Variants in MYO10 observed in about 807,000 individuals in gnomAD.
MYO10 encodes unconventional myosin-X.
A neutral mutation model predicts 257.3 loss-of-function variants in MYO10; 133 were observed. The ratio of observed to expected loss-of-function variants is 0.52; its 90% CI spans 0.45 to 0.60. The LOEUF (loss-of-function observed/expected upper bound fraction) is 0.60. MYO10 is among the 20% of genes least tolerant of loss of function. The probability of loss-of-function intolerance (pLI) is 0.00; values close to 1 mark genes in which losing one functional copy is unlikely to be tolerated. For missense variants in MYO10, 2,399 were observed against 2,635.7 expected (o/e 0.91, Z 1.97); for synonymous variants, 1,104 against 1,028.6 (o/e 1.07, Z -1.40).
At position 16,689,718 on chromosome 5, in the gene MYO10, T is replaced by G; in HGVS notation, c.3896+106A>C. ...TCTTGGTTCTTCAAAAAAAGTCAAT[T>G]AAAATTTTTCAAGGCCAGTACAGTA... On this transcript the variant is annotated intron_variant, in intron 28 of 40. Transcript: ENST00000513610. 4.5e-6 allele frequency: 4 copies of G among 888,784 alleles called. No homozygotes were observed. In the South Asian group the frequency reaches 4.7e-5, roughly 10 times the overall value. The allele number at this position is 888,784 out of a possible 1,614,324, so 55.1% of individuals were successfully genotyped here.
intron 1 of MYO10, among the ~76,000 whole-genome samples, chr5:16,923,913 G>A (rs1468669798): frequency 6.6e-6 from 1 of 152,098 alleles, no homozygotes; most frequent in African/African-American, 2.4e-5. Context: ...AAAACAAGGA[G>A]ACCTCATCTC....
At chr5:16,915,496 T>G (rs1745789525) in intron 1 of MYO10, among the ~76,000 whole-genome samples, 1 of 152,184 alleles carries the variant, frequency 6.6e-6, no homozygotes. Context: ...CGCATCCCCC[T>G]CCACAGCATC....
At chr5:16,810,189 G>C (rs1742394971) in intron 3 of MYO10, among the ~76,000 whole-genome samples, 1 of 152,140 alleles carries the variant, frequency 6.6e-6, no homozygotes, top group African/African-American at 2.4e-5. Context: ...GAGAGCACAG[G>C]AAGACAGAAA....
chr5:16,758,940 T>C (rs1384357143), intron 17 of MYO10, among the ~76,000 whole-genome samples: 1 of 151,978 alleles, frequency 6.6e-6, no homozygotes, highest in Non-Finnish European at 1.5e-5. Context: ...TTTTTTTTTT[T>C]AGACAGAGTT....
At chr5:16,761,985 C>T (rs2126650023) in intron 16 of MYO10, 60 bp downstream of exon 16, 4 of 1,452,860 alleles carry the variant, frequency 2.8e-6, no homozygotes, top group Non-Finnish European at 3.7e-6. Context: ...CTTCTGAAAC[C>T]ACTGTTTTCT....
chr5:16,725,606 CT>C (rs1286362264), intron 19 of MYO10, among the ~76,000 whole-genome samples: 1 of 152,134 alleles, frequency 6.6e-6, no homozygotes, highest in East Asian at 1.9e-4. Context: ...ATGCTCTCAG[CT>C]AATATTTCCA....
chr5:16,908,894 T>C (rs1439374672), intron 1 of MYO10, among the ~76,000 whole-genome samples: 3 of 152,120 alleles, frequency 2.0e-5, no homozygotes, highest in Admixed American at 6.6e-5. Context: ...TGTGACTACA[T>C]TTACATGAAA....
chr5:16,818,372 G>A (rs1412569844), intron 2 of MYO10, among the ~76,000 whole-genome samples: 1 of 70,444 alleles, frequency 1.4e-5, no homozygotes, highest in Non-Finnish European at 2.8e-5. Flanking sequence ...ATGTGTGTGT[G>A]TGTGTGTGCG....
chr5:16,802,416 TGGGATGCTGAGGCGG>T (rs1742147168), intron 3 of MYO10, among the ~76,000 whole-genome samples: 1 of 151,926 alleles, frequency 6.6e-6, no homozygotes, highest in Non-Finnish European at 1.5e-5. Context: ...CCCAACACTC[TGGGATGCTGAGGCGG>T]GTGGATCATG....
At chr5:16,887,346 G>A (rs12655630) in intron 1 of MYO10, among the ~76,000 whole-genome samples, 38,338 of 152,104 alleles carry the variant, frequency 0.25, 5,174 homozygotes, top group Non-Finnish European at 0.3. Context: ...AAGATTCACC[G>A]CCATCCCACA....
At chr5:16,928,503 G>A (rs536361118) in intron 1 of MYO10, among the ~76,000 whole-genome samples, 2 of 151,446 alleles carry the variant, frequency 1.3e-5, no homozygotes, top group South Asian at 4.3e-4. Flanking sequence ...GCTTTAGTAT[G>A]TAAACCTTCC....
At chr5:16,810,889 G>A (rs1208715225) in intron 3 of MYO10, among the ~76,000 whole-genome samples, 11 of 152,016 alleles carry the variant, frequency 7.2e-5, no homozygotes, top group African/African-American at 2.4e-5. Context: ...CCAACGTGGT[G>A]AAACCCTGTA....
intron 1 of MYO10, among the ~76,000 whole-genome samples, chr5:16,884,691 TTA>T (rs1744846719): frequency 6.7e-6 from 1 of 148,768 alleles, no homozygotes; most frequent in African/African-American, 2.4e-5. Flanking sequence ...GAAGTAGGAG[TTA>T]TCTTTCCAAC....
At chr5:16,734,865 T>G (rs775455885) in intron 19 of MYO10, among the ~76,000 whole-genome samples, 4 of 152,088 alleles carry the variant, frequency 2.6e-5, no homozygotes, top group Non-Finnish European at 5.9e-5. Flanking sequence ...TGACTGCTGT[T>G]TATCAGCCAC....
chr5:16,902,545 C>T (rs1448079263), intron 1 of MYO10: 3 of 1,582,564 alleles, frequency 1.9e-6, no homozygotes, highest in African/African-American at 2.7e-5. Context: ...ATGGCCTTGT[C>T]CTTGGGCACG....
At chr5:16,773,660 T>TCA in intron 9 of MYO10, among the ~76,000 whole-genome samples, 1 of 66,538 alleles carries the variant, frequency 1.5e-5, no homozygotes, top group South Asian at 5.2e-4. Flanking sequence ...AGACCTTGTC[T>TCA]CAAAAAAAAA....
chr5:16,701,002 C>A lies in MYO10; in HGVS notation c.3393G>T (p.Ser1131=), dbSNP rs374205465. ...CCTCAGAGCTGAACCGGTAGGCACC[C>A]GAGCTGTTGTAGGTCCCCACAGAGC... The part of the protein sequence containing the change: ...YRCSVGTYNS[S]GAYRFSSEGA... The change falls in exon 25 of 41, where the codon TCG becomes TCT. Residue 1131 remains serine (S), a synonymous_variant. Transcript: ENST00000513610. This position sits in a 1 kb window ranked among gnomAD's most constrained non-coding sequence, Gnocchi z 8.1. The A allele has an allele frequency of 6.4e-7, 1 of 1,560,174 alleles. No individual in the cohort carries two copies. Among genetic ancestry groups the A allele is most frequent in the Non-Finnish European group, 8.7e-7 (1 of 1,152,152 alleles).
chr5:16,738,408 G>T, intron 19 of MYO10: 1 of 985,408 alleles, frequency 1.0e-6, no homozygotes, highest in Non-Finnish European at 1.2e-6. Context: ...CCTGGCATTA[G>T]AAAGAAGAAA....
intron 2 of MYO10, among the ~76,000 whole-genome samples, chr5:16,874,610 C>A (rs1744546092): frequency 6.6e-6 from 1 of 152,192 alleles, no homozygotes; most frequent in Non-Finnish European, 1.5e-5. Flanking sequence ...CAGTTCCCAA[C>A]AAGCTCCTCA....
Sources: allele counts gnomAD v4.1 joint callset (sites outside exome capture counted in the v4.1 genomes callset), GRCh38; gene constraint gnomAD v4.1.1; non-coding constraint Gnocchi (gnomAD v3.1); transcripts MANE v1.5; gene names NCBI Gene and HGNC (gene_info 2026-07-23, HGNC 2026-07-21).